ARID1B: variants seen among roughly 807,000 people sequenced by gnomAD.
ARID1B encodes the protein AT-rich interaction domain 1B.
In ARID1B, 30 loss-of-function variants were observed where a neutral mutation model predicts 212.3. The ratio of observed to expected loss-of-function variants is 0.14; its 90% CI spans 0.11 to 0.19. The LOEUF is 0.19. Among genes scored for constraint, ARID1B ranks in the 10% least tolerant of loss-of-function variants. The probability of loss-of-function intolerance (pLI) is 1.00; values close to 1 mark genes in which losing one functional copy is unlikely to be tolerated. For missense variants in ARID1B, 2,891 were observed against 3,204.0 expected, an observed-to-expected ratio of 0.90 and a Z score of 2.36; for synonymous variants, 1,402 against 1,301.7, an observed-to-expected ratio of 1.08 and a Z score of -1.66.
In ARID1B at chr6:156,968,052, T is replaced by C. The variant is rs544814933; in HGVS notation, c.2247+32476T>C. On this transcript the variant is annotated intron_variant, in intron 4 of 19. Coordinates refer to ENST00000636930, the MANE Select transcript of ARID1B (RefSeq NM_001374828.1). ...GTCACACGTGACCTTTCCCGGTCCC[T>C]GTCTGCAGTCTCTTTCCTGCAGGGA... Among the ~76,000 whole-genome samples, 41 of 152,364 alleles carry C rather than the reference T, an allele frequency of 2.7e-4. 1 individual carries two copies. In the South Asian group the frequency reaches 8.3e-3, roughly 31 times the overall value.
intron 4 of ARID1B, among the ~76,000 whole-genome samples, chr6:156,992,522 G>GT (rs1319196220): frequency 6.6e-6 from 1 of 152,174 alleles, no homozygotes; most frequent in Non-Finnish European, 1.5e-5. Flanking sequence ...ATCTTCGTGA[G>GT]TTTTCTGTTT....
chr6:157,149,932 T>C (rs1487218909), intron 8 of ARID1B: 2 of 152,230 alleles, frequency 1.3e-5, no homozygotes, highest in African/African-American at 2.4e-5. Flanking sequence ...CAAATAATAA[T>C]AAATTTCCCT....
At chr6:156,997,440 A>G (rs1778659406) in intron 4 of ARID1B, among the ~76,000 whole-genome samples, 1 of 152,184 alleles carries the variant, frequency 6.6e-6, no homozygotes. Flanking sequence ...AATTCTTTAT[A>G]TCGTCACTGT....
chr6:157,092,895 T>C (rs11966489), intron 5 of ARID1B, among the ~76,000 whole-genome samples: 30,690 of 152,132 alleles, frequency 0.2, 3,359 homozygotes, highest in African/African-American at 0.26. Context: ...CACTCCCACT[T>C]CTCCATTATT....
chr6:156,782,145 AGTT>A (rs1779327412), intron 1 of ARID1B, among the ~76,000 whole-genome samples: 2 of 151,092 alleles, frequency 1.3e-5, no homozygotes, highest in Non-Finnish European at 3.0e-5. Flanking sequence ...ATTTAGTATT[AGTT>A]GTTGTAATTA....
chr6:156,842,639 G>A (rs1177731108), intron 2 of ARID1B, among the ~76,000 whole-genome samples: 1 of 152,132 alleles, frequency 6.6e-6, no homozygotes, highest in African/African-American at 2.4e-5. Context: ...GAGTAGAATT[G>A]CTGGATCATG....
chr6:157,078,276 G>A (rs773937457), intron 4 of ARID1B, among the ~76,000 whole-genome samples: 5 of 152,084 alleles, frequency 3.3e-5, no homozygotes, highest in Non-Finnish European at 7.4e-5. Flanking sequence ...CAGCATTCTC[G>A]TGGCCATAAT....
At chr6:156,883,394 T>G (rs1324384184) in intron 2 of ARID1B, among the ~76,000 whole-genome samples, 2 of 152,244 alleles carry the variant, frequency 1.3e-5, no homozygotes, top group Non-Finnish European at 2.9e-5. Flanking sequence ...TCCTCCACTC[T>G]GGACAAATAG....
At chr6:157,120,169 A>G (rs1787611912) in intron 6 of ARID1B, among the ~76,000 whole-genome samples, 1 of 152,196 alleles carries the variant, frequency 6.6e-6, no homozygotes, top group Non-Finnish European at 1.5e-5. Context: ...ACTGAAGTGG[A>G]CTTTTGCAGC....
intron 4 of ARID1B, among the ~76,000 whole-genome samples, chr6:157,032,669 C>T (rs762282606): frequency 1.7e-4 from 26 of 152,176 alleles, no homozygotes; most frequent in Non-Finnish European, 3.2e-4. Flanking sequence ...TGACATGGAA[C>T]AATGGGTAAT....
intron 5 of ARID1B, among the ~76,000 whole-genome samples, chr6:157,101,495 A>G (rs1041857153): frequency 2.6e-5 from 4 of 152,202 alleles, no homozygotes; most frequent in East Asian, 3.8e-4. Flanking sequence ...CATGATCTCC[A>G]TGTATTGAGG....
intron 4 of ARID1B, among the ~76,000 whole-genome samples, chr6:156,967,697 C>T (rs918338361): frequency 5.3e-5 from 8 of 152,090 alleles, no homozygotes; most frequent in Non-Finnish European, 8.8e-5. Flanking sequence ...AAAATTTAAG[C>T]TTTAGACTTT....
At chr6:156,926,883 T>C (rs61056267) in intron 3 of ARID1B, among the ~76,000 whole-genome samples, 14 of 152,280 alleles carry the variant, frequency 9.2e-5, no homozygotes, top group Middle Eastern at 3.4e-3. Flanking sequence ...GGTTTCACCA[T>C]GTTGGCCAGG....
chr6:156,979,892 A>G (rs1033558861), intron 4 of ARID1B, among the ~76,000 whole-genome samples: 2 of 151,146 alleles, frequency 1.3e-5, no homozygotes, highest in African/African-American at 4.9e-5. Context: ...TTATTTTTTG[A>G]GACAGGGTCT....
At chr6:156,856,696 TCTCTCACACACACACACACACA>T (rs1248836855) in intron 2 of ARID1B, among the ~76,000 whole-genome samples, 1 of 84,222 alleles carries the variant, frequency 1.2e-5, no homozygotes, top group African/African-American at 4.7e-5. Flanking sequence ...TCTCTCTCTC[TCTCTCACACACACACACACACA>T]CACACACACA....
Position 157,087,803 on chromosome 6 carries a change from G to GAA in ARID1B, c.2491+2910_2491+2911dup, listed in dbSNP as rs11390752. On this transcript the variant is annotated intron_variant, in intron 5 of 19. Coordinates refer to ENST00000636930, the MANE Select transcript of ARID1B (RefSeq NM_001374828.1). Reference sequence around the variant, plus strand: ...CAGAGTTGAGCTCAGTTTTCTTCTAGAAAAAAAAAAAAAGTCCACGTTCCT... The same window carrying GAA: ...CAGAGTTGAGCTCAGTTTTCTTCTAGAAAAAAAAAAAAAAAGTCCACGTTCCT... 6.1e-3 allele frequency among the ~76,000 whole-genome samples: 885 copies of GAA among 146,236 alleles called. 4 individuals carry two copies. Among genetic ancestry groups the GAA allele is most frequent in the South Asian group, 0.018 (82 of 4,598 alleles).
chr6:156,831,096 A>G (rs1244384342), intron 2 of ARID1B, among the ~76,000 whole-genome samples: 1 of 152,148 alleles, frequency 6.6e-6, no homozygotes, highest in African/African-American at 2.4e-5. Flanking sequence ...GCTAATTGTG[A>G]GAAGGAAATA....
Position 157,201,244 on chromosome 6 carries a change from C to T in ARID1B, c.5019C>T (p.Ile1673=), listed in dbSNP as rs966591249. The T allele has an allele frequency of 1.2e-6, 2 of 1,614,032 alleles. No individual in the cohort carries two copies. The highest frequency in any genetic ancestry group is 8.5e-7 in the Non-Finnish European group (1 of 1,179,978). The change falls in exon 18 of 20, where the codon ATC becomes ATT. Residue 1673 remains isoleucine, a synonymous_variant. Coordinates refer to ENST00000636930, the MANE Select transcript of ARID1B (RefSeq NM_001374828.1). This position sits in a 1 kb window ranked among gnomAD's most constrained non-coding sequence, Gnocchi z 5.2. ...CGCCACCGTCACTGCCAAATCACAT[C>T]TCCAGGGCGCCCAGCCCAGCGTCCT... ...YQTPPSLPNH[I]SRAPSPASFQ...
At chr6:157,194,575 G>A (rs1304718804) in intron 15 of ARID1B, 1 of 152,194 alleles carries the variant, frequency 6.6e-6, no homozygotes, top group Admixed American at 6.5e-5. Context: ...CAGGCTCTGA[G>A]CTGATGCTAA....
Sources: allele counts gnomAD v4.1 joint callset (sites outside exome capture counted in the v4.1 genomes callset), GRCh38; gene constraint gnomAD v4.1.1; non-coding constraint Gnocchi (gnomAD v3.1); transcripts MANE v1.5; gene names NCBI Gene and HGNC (gene_info 2026-07-23, HGNC 2026-07-21).